The following PCDH15 variants were observed in gnomAD, a reference collection of about 807,000 sequenced individuals.
The protein encoded by PCDH15 is protocadherin-15.
In PCDH15, 129 loss-of-function variants were observed where a neutral mutation model predicts 178.5. The ratio of observed to expected loss-of-function variants is 0.72; its 90% CI spans 0.63 to 0.84. The LOEUF (loss-of-function observed/expected upper bound fraction) is 0.84, where lower values mean the gene tolerates loss of function less well. PCDH15 is among the 40% of genes least tolerant of loss of function. PCDH15 has a pLI of 0.00. For missense variants in PCDH15, 2,230 were observed against 2,099.9 expected (o/e 1.06, Z -1.21); for synonymous variants, 800 against 732.0 (o/e 1.09, Z -1.50).
intron 23 of PCDH15, among the ~76,000 whole-genome samples, chr10:53,943,408 G>A (rs535515502): frequency 5.3e-5 from 8 of 151,946 alleles, no homozygotes; most frequent in Admixed American, 1.3e-4. Flanking sequence ...CCTGGGAGGC[G>A]GAGGTTGCAA....
chr10:55,138,327 T>C (rs1255741369), intron 2 of PCDH15, among the ~76,000 whole-genome samples: 1 of 152,162 alleles, frequency 6.6e-6, no homozygotes, highest in African/African-American at 2.4e-5. Context: ...GACATTGAGA[T>C]TTTCTATGTC....
At chr10:54,966,073 T>C (rs1838780702) in intron 2 of PCDH15, among the ~76,000 whole-genome samples, 1 of 151,880 alleles carries the variant, frequency 6.6e-6, no homozygotes, top group African/African-American at 2.4e-5. Flanking sequence ...TATAAATCAC[T>C]AATCATACAG....
At chr10:54,123,344 C>G (rs1354784677) in intron 15 of PCDH15, among the ~76,000 whole-genome samples, 2 of 151,816 alleles carry the variant, frequency 1.3e-5, no homozygotes, top group African/African-American at 2.4e-5. Context: ...AAAATTCCAT[C>G]AAAAAATGAG....
intron 25 of PCDH15, among the ~76,000 whole-genome samples, chr10:53,919,949 C>T (rs1423549162): frequency 6.6e-6 from 1 of 152,088 alleles, no homozygotes; most frequent in Non-Finnish European, 1.5e-5. Flanking sequence ...AAACCTACTT[C>T]TAAACTGCAT....
chr10:54,843,053 G>A (rs1454749247), intron 3 of PCDH15, among the ~76,000 whole-genome samples: 5 of 151,940 alleles, frequency 3.3e-5, no homozygotes, highest in South Asian at 2.1e-4. Context: ...AAGGAGCTCT[G>A]ACACACATTT....
intron 3 of PCDH15, among the ~76,000 whole-genome samples, chr10:54,832,875 T>C (rs975489847): frequency 3.3e-5 from 5 of 152,124 alleles, no homozygotes; most frequent in East Asian, 1.9e-4. Flanking sequence ...TTCAACATCA[T>C]AGATGAAAGA....
intron 3 of PCDH15, among the ~76,000 whole-genome samples, chr10:54,418,701 G>T (rs1465397701): frequency 1.3e-5 from 2 of 151,618 alleles, no homozygotes; most frequent in African/African-American, 4.8e-5. Flanking sequence ...ATTTTTTAAA[G>T]ACTATTATTA....
chr10:53,942,253 A>G (rs1037533331), intron 23 of PCDH15, among the ~76,000 whole-genome samples: 3 of 134,696 alleles, frequency 2.2e-5, no homozygotes, highest in African/African-American at 7.4e-5. Flanking sequence ...TATTTAATTT[A>G]CTAGTTTATT....
intron 18 of PCDH15, among the ~76,000 whole-genome samples, chr10:54,049,018 A>C (rs1169999452): frequency 6.6e-6 from 1 of 151,904 alleles, no homozygotes; most frequent in East Asian, 1.9e-4. Context: ...ATGCTTTTCC[A>C]TTTGTTTGTG....
chr10:54,716,797 A>G (rs938898692), intron 1 of PCDH15, among the ~76,000 whole-genome samples: 3 of 151,116 alleles, frequency 2.0e-5, no homozygotes, highest in East Asian at 1.9e-4. Context: ...AGCCCGCATC[A>G]CCAAGTCAAT....
intron 8 of PCDH15, 121 bp from the exon 9 acceptor site, chr10:54,237,052 C>T (rs1350129386): frequency 1.2e-6 from 1 of 849,770 alleles, no homozygotes; most frequent in Non-Finnish European, 2.0e-6. Context: ...CAAGTTTCAA[C>T]ATTTATGATC....
chr10:54,264,645 C>A (rs563800932), intron 8 of PCDH15, among the ~76,000 whole-genome samples: 13 of 151,912 alleles, frequency 8.6e-5, no homozygotes, highest in African/African-American at 3.1e-4. Flanking sequence ...CAGACTAGGC[C>A]AAGTAGAAGG....
intron 26 of PCDH15, among the ~76,000 whole-genome samples, chr10:53,894,445 C>T (rs2081809470): frequency 6.6e-6 from 1 of 152,192 alleles, no homozygotes; most frequent in Non-Finnish European, 1.5e-5. Context: ...GAAAACACCT[C>T]TCCCTTGAAA....
chr10:55,249,660 G>A (rs1289933922), intron 1 of PCDH15, among the ~76,000 whole-genome samples: 2 of 152,018 alleles, frequency 1.3e-5, no homozygotes, highest in African/African-American at 2.4e-5. Flanking sequence ...GGTGTGACAT[G>A]CAACACTTTA....
intron 1 of PCDH15, among the ~76,000 whole-genome samples, chr10:54,684,818 T>A (rs554378818): frequency 4.2e-4 from 59 of 139,902 alleles, no homozygotes; most frequent in African/African-American, 1.3e-3. Context: ...CCTATAGTAG[T>A]GTGTATTAGA....
intron 1 of PCDH15, among the ~76,000 whole-genome samples, chr10:54,756,158 G>T (rs1947082350): frequency 6.6e-6 from 1 of 151,768 alleles, no homozygotes; most frequent in Non-Finnish European, 1.5e-5. Context: ...GCTGAGGCAG[G>T]AGAATAGTTT....
intron 1 of PCDH15, among the ~76,000 whole-genome samples, chr10:54,777,094 C>T (rs11004571): frequency 0.48 from 72,410 of 151,962 alleles, 17,708 homozygotes; most frequent in East Asian, 0.62. Context: ...AGAGATACCA[C>T]GAAAGAGGAC....
At chr10:54,533,322 T>A (rs542531347) in intron 2 of PCDH15, among the ~76,000 whole-genome samples, 7 of 152,276 alleles carry the variant, frequency 4.6e-5, no homozygotes, top group African/African-American at 1.4e-4. Context: ...AATTGACAGA[T>A]AATTTGTTGT....
intron 2 of PCDH15, among the ~76,000 whole-genome samples, chr10:54,657,238 G>T (rs2094422457): frequency 6.6e-6 from 1 of 152,280 alleles, no homozygotes; most frequent in Middle Eastern, 3.4e-3. Context: ...TGCAACAGCG[G>T]CATGATAGGG....
Sources: gnomAD v4.1 joint callset for allele counts (sites outside exome capture counted in the v4.1 genomes callset) on GRCh38, gnomAD v4.1.1 for gene constraint, MANE v1.5 for transcripts, NCBI Gene and HGNC (gene_info 2026-07-23, HGNC 2026-07-21) for gene names.